RPSA: variants seen among roughly 807,000 people sequenced by gnomAD.
RPSA encodes the protein small ribosomal subunit protein uS2.
For synonymous variants in RPSA, 103 were observed against 126.7 expected, an observed-to-expected ratio of 0.81 and a Z score of 1.25; for missense variants, 140 against 372.8, an observed-to-expected ratio of 0.38 and a Z score of 5.14.
chr3:39,408,449 G>C (rs749408758), intron 2 of RPSA, 157 bp from the exon 3 acceptor site: 3 of 773,068 alleles, frequency 3.9e-6, no homozygotes, highest in Non-Finnish European at 7.2e-6. Context: ...TCTGAGTGTC[G>C]GAAGTGTGCT....
At chr3:39,407,448 A>T (rs908245642) in intron 1 of RPSA, among the ~76,000 whole-genome samples, 173 bp from the exon 2 acceptor site, 1 of 152,086 alleles carries the variant, frequency 6.6e-6, no homozygotes, top group Non-Finnish European at 1.5e-5. Context: ...CCTCAGTAAG[A>T]TGTGCGCTGT....
intron 2 of RPSA, chr3:39,408,023 G>A: frequency 2.0e-6 from 1 of 490,578 alleles, no homozygotes; most frequent in Non-Finnish European, 3.7e-6. Flanking sequence ...ATGAACATGA[G>A]AAAGTTCATT....
chr3:39,406,754 C>T lies in RPSA; in HGVS notation c.-44C>T, dbSNP rs572918553. 13 of 422,260 alleles carry T rather than the reference C, an allele frequency of 3.1e-5. No individual in the cohort carries two copies. The highest frequency in any genetic ancestry group is 1.6e-4 in the African/African-American group (8 of 48,646). 26.2% of individuals were successfully genotyped at this position (422,260 alleles called of 1,614,324 possible). On this transcript the variant is annotated 5_prime_UTR_variant, in exon 1 of 7. Coordinates refer to ENST00000301821, the MANE Select transcript of RPSA (RefSeq NM_002295.6). The stretch of plus-strand genomic sequence containing the variant: ...GCTACCTGCAGAGGGGTCCATACGG[C>T]GTTGTTCTGGGTGAGTTCCGTGTAG...
intron 2 of RPSA, 96 bp from the exon 3 acceptor site, chr3:39,408,510 T>G (rs1432663700): frequency 1.2e-6 from 1 of 813,500 alleles, no homozygotes; most frequent in Non-Finnish European, 2.2e-6. Context: ...CCTCTATGAC[T>G]GGAGTTTGGT....
At position 39,408,340 on chromosome 3, in the gene RPSA, A is replaced by G. The variant is rs1168376039; in HGVS notation, c.134-266A>G. 9.4e-6 allele frequency: 6 copies of G among 635,382 alleles called. No individual in the cohort carries two copies. The Admixed American group carries it at 1.2e-4, about 13-fold the overall frequency. 39.4% of individuals were successfully genotyped at this position (635,382 alleles called of 1,614,324 possible). On this transcript the variant is annotated intron_variant, in intron 2 of 6. Transcript: ENST00000301821. The stretch of plus-strand genomic sequence containing the variant: ...GATTATTAAGAACCAATGATGGAAT[A>G]AGTACAGGGAAAGAGAAAGGAAAGA...
intron 3 of RPSA, among the ~76,000 whole-genome samples, chr3:39,409,168 AT>A (rs796576633): frequency 3.1e-4 from 41 of 132,622 alleles, no homozygotes; most frequent in African/African-American, 1.1e-3. Context: ...AATCGCCCTT[AT>A]GACCTATGAC....
At chr3:39,411,821 G>C (rs368690013) in intron 5 of RPSA, 44 bp downstream of exon 5, 2 of 1,599,416 alleles carry the variant, frequency 1.3e-6, no homozygotes, top group African/African-American at 2.7e-5. Context: ...CAAATTGGAC[G>C]ACTTGGACTG....
chr3:39,409,639 T>A lies in RPSA; in HGVS notation c.252+915T>A, dbSNP rs918942037. ...ATCACATTTTCCCATAGTCAAAGTT[T>A]TTACCTTAAAACAATGAAATACTGG... On this transcript the variant is annotated intron_variant, in intron 3 of 6. Coordinates refer to ENST00000301821, the MANE Select transcript of RPSA (RefSeq NM_002295.6). 3.0e-4 allele frequency among the ~76,000 whole-genome samples: 45 copies of A among 152,182 alleles called. 1 individual carries two copies. Among genetic ancestry groups the A allele is most frequent in the African/African-American group, 1.1e-3 (44 of 41,442 alleles).
intron 4 of RPSA, chr3:39,411,268 T>C: frequency 2.9e-6 from 2 of 697,148 alleles, no homozygotes; most frequent in Middle Eastern, 2.4e-4. Context: ...AGTGTGTTCT[T>C]CTGCCTTTGT....
chr3:39,406,933 T>C (rs3772144), intron 1 of RPSA, 169 bp downstream of exon 1: 130,749 of 452,968 alleles, frequency 0.29, 20,022 homozygotes, highest in Non-Finnish European at 0.32. Context: ...AGGCTCGGGC[T>C]GGCGGGTTCC....
At chr3:39,411,107 C>T (rs765876601) in intron 4 of RPSA, 108 bp downstream of exon 4, 1 of 1,393,904 alleles carries the variant, frequency 7.2e-7, no homozygotes, top group East Asian at 2.3e-5. Flanking sequence ...GATGAACTCG[C>T]AAGTGTAGGT....
At chr3:39,407,879 A>G (rs138225525) in intron 2 of RPSA, 93 bp downstream of exon 2, 7 of 971,634 alleles carry the variant, frequency 7.2e-6, no homozygotes, top group East Asian at 2.6e-5. Context: ...ATTTCTTTCT[A>G]TCTTCCTTAA....
chr3:39,410,527 G>C (rs1221664049), intron 3 of RPSA: 3 of 558,278 alleles, frequency 5.4e-6, no homozygotes, highest in African/African-American at 3.8e-5. Context: ...GATTGGGCCA[G>C]GTAGTGTTGC....
Position 39,411,937 on chromosome 3 carries a change from C to G in RPSA, c.669C>G (p.Thr223=). 1 of 1,599,830 alleles carries G rather than the reference C, an allele frequency of 6.3e-7. No homozygotes were observed. The highest frequency in any genetic ancestry group is 8.5e-7 in the Non-Finnish European group (1 of 1,179,918). Residue 223 remains threonine, a synonymous_variant, in exon 6 of 7, where the codon ACC becomes ACG. Coordinates refer to ENST00000301821, the MANE Select transcript of RPSA (RefSeq NM_002295.6). ...AGGCTGCTGCTGAGAAGGCAGTGAC[C>G]AAGGAGGAATTTCAGGGTGAATGGA... is the stretch of plus-strand genomic sequence containing the variant. The part of the protein sequence containing the change: ...EEQAAAEKAV[T]KEEFQGEWTA...
chr3:39,407,504 A>G (rs2041936904), intron 1 of RPSA, 117 bp from the exon 2 acceptor site: 2 of 789,038 alleles, frequency 2.5e-6, no homozygotes, highest in Non-Finnish European at 4.5e-6. Context: ...TTTACCCTTC[A>G]CTACACTGTA....
At chr3:39,408,785 C>CAT (rs34149164) in intron 3 of RPSA, 61 bp downstream of exon 3, 279,712 of 948,602 alleles carry the variant, frequency 0.29, 43,344 homozygotes, top group Non-Finnish European at 0.31. Flanking sequence ...CATTGTGAGA[C>CAT]ATAGAAAGAC....
Position 39,411,753 on chromosome 3 carries a change from G to A in RPSA, c.603G>A (p.Leu201=), listed in dbSNP as rs776196558. 4 of 1,599,786 alleles carry A rather than the reference G, an allele frequency of 2.5e-6. No homozygotes were observed. The highest frequency in any genetic ancestry group is 1.3e-5 in the African/African-American group (1 of 74,922). ...REHPWEVMPD[L]YFYRDPEEIE... is the part of the protein sequence containing the mutation. The stretch of plus-strand genomic sequence containing the variant: ...ACCCATGGGAGGTCATGCCTGATCT[G>A]TACTTCTACAGAGATCCTGAAGAGG... The change falls in exon 5 of 7, where the codon CTG becomes CTA. Residue 201 remains leucine (L), a synonymous_variant. Transcript: ENST00000301821.
At position 39,407,626 on chromosome 3, in the gene RPSA, CG is replaced by C. The variant is rs748802885; in HGVS notation, c.-27del. On this transcript the variant is annotated 5_prime_UTR_variant, in exon 2 of 7. Transcript: ENST00000301821. ...AGGTTGCTCTCTTATTTCAGATTCC[CG>C]TCGTAACTTAAAGGGAAATTTTCAC... The C allele has an allele frequency of 5.0e-6, 8 of 1,590,378 alleles. No individual in the cohort carries two copies. The Admixed American group carries it at 1.0e-4, about 20-fold the overall frequency.
At chr3:39,410,443 G>C in intron 3 of RPSA, 1 of 392,230 alleles carries the variant, frequency 2.5e-6, no homozygotes, top group South Asian at 2.3e-5. Flanking sequence ...GTAGAAAAAA[G>C]GCAGTTAGTT....
Sources: allele counts gnomAD v4.1 joint callset (sites outside exome capture counted in the v4.1 genomes callset), GRCh38; gene constraint gnomAD v4.1.1; transcripts MANE v1.5; gene names NCBI Gene and HGNC (gene_info 2026-07-23, HGNC 2026-07-21).